The following TEX26 variants were observed in gnomAD, a reference collection of about 807,000 sequenced individuals.
TEX26 encodes testis expressed 26, also known as testis-expressed protein 26.
Under a neutral mutation model 35.3 loss-of-function variants are expected in TEX26, and 34 were observed. The observed-to-expected ratio is 0.96, with a 90% confidence interval of 0.73 to 1.28. The LOEUF (loss-of-function observed/expected upper bound fraction) is 1.28, where lower values mean the gene tolerates loss of function less well. Ranked by LOEUF, TEX26 falls within the 50% of genes most tolerant of loss-of-function variation. TEX26 has a pLI of 0.00. For missense variants in TEX26, 371 were observed against 330.1 expected (o/e 1.12, Z -0.96); for synonymous variants, 136 against 111.8 (o/e 1.22, Z -1.36).
chr13:30,971,590 A>G (rs572105719), intron 6 of TEX26, among the ~76,000 whole-genome samples: 7 of 152,356 alleles, frequency 4.6e-5, no homozygotes, highest in African/African-American at 1.7e-4. Context: ...TAACGCTGTG[A>G]AAGCATAAAG....
chr13:30,940,845 C>T (rs1009058449), intron 2 of TEX26, among the ~76,000 whole-genome samples: 3 of 151,848 alleles, frequency 2.0e-5, no homozygotes, highest in African/African-American at 7.3e-5. Context: ...GGCAGAGGCA[C>T]GAGAATTGCT....
chr13:30,953,116 C>G (rs1010095472), intron 3 of TEX26, among the ~76,000 whole-genome samples: 1 of 152,152 alleles, frequency 6.6e-6, no homozygotes, highest in African/African-American at 2.4e-5. Flanking sequence ...TACATACATG[C>G]TGTTGGACAG....
chr13:30,963,366 A>G (rs1467348028), intron 4 of TEX26, among the ~76,000 whole-genome samples: 3 of 152,188 alleles, frequency 2.0e-5, no homozygotes, highest in Non-Finnish European at 2.9e-5. Flanking sequence ...TCCATACTTT[A>G]GCACAAATAC....
chr13:30,969,153 G>T, intron 6 of TEX26, 107 bp downstream of exon 6: 26 of 866,254 alleles, frequency 3.0e-5, no homozygotes, highest in Non-Finnish European at 3.7e-5. Flanking sequence ...CCACAAAAAT[G>T]AAAACATTGC....
chr13:30,952,549 T>C (rs1429061018), intron 2 of TEX26, 111 bp from the exon 3 acceptor site: 2 of 897,550 alleles, frequency 2.2e-6, no homozygotes, highest in Non-Finnish European at 3.2e-6. Flanking sequence ...CCAACTCTTA[T>C]GCCAATCAAT....
chr13:30,940,394 T>C (rs548969140), intron 2 of TEX26, among the ~76,000 whole-genome samples: 310 of 133,296 alleles, frequency 2.3e-3, no homozygotes, highest in Non-Finnish European at 3.5e-3. Context: ...AGTGCAGTGG[T>C]ACGATCTCGG....
rs1302798927 is a variant in TEX26, at chr13:30,952,789, A to T, written c.276A>T (p.Ser92=). 1.2e-6 allele frequency: 2 copies of T among 1,612,972 alleles called. No homozygotes were observed. The highest frequency in any genetic ancestry group is 1.7e-6 in the Non-Finnish European group (2 of 1,179,546). The change falls in exon 3 of 7, where the codon TCA becomes TCT. Residue 92 remains serine, a synonymous_variant. Coordinates refer to ENST00000380473, the MANE Select transcript of TEX26 (RefSeq NM_152325.3). Reference sequence around the variant, plus strand: ...AAGATTTGATCAAAACTGAGACTTCAAGAGGAATCAAGAGCCACAAATCTC... The same window carrying T: ...AAGATTTGATCAAAACTGAGACTTCTAGAGGAATCAAGAGCCACAAATCTC... The part of the protein sequence containing the change: ...SKEDLIKTET[S]RGIKSHKSHL...
At chr13:30,938,287 G>A (rs1177705414) in intron 1 of TEX26, among the ~76,000 whole-genome samples, 1 of 152,162 alleles carries the variant, frequency 6.6e-6, no homozygotes, top group East Asian at 1.9e-4. Context: ...AATAAACAGT[G>A]TTGTTGCTGG....
At chr13:30,940,396 C>CGT (rs1953443552) in intron 2 of TEX26, among the ~76,000 whole-genome samples, 2 of 124,866 alleles carry the variant, frequency 1.6e-5, no homozygotes, top group Non-Finnish European at 3.2e-5. Flanking sequence ...TGCAGTGGTA[C>CGT]GATCTCGGCT....
chr13:30,952,467 T>C (rs1044570444), intron 2 of TEX26, among the ~76,000 whole-genome samples, 193 bp from the exon 3 acceptor site: 3 of 152,208 alleles, frequency 2.0e-5, no homozygotes, highest in African/African-American at 7.2e-5. Context: ...ATCTGTACTT[T>C]TGTTAAAAGC....
intron 6 of TEX26, among the ~76,000 whole-genome samples, chr13:30,972,579 T>C (rs529978919): frequency 2.0e-5 from 3 of 152,266 alleles, no homozygotes; most frequent in African/African-American, 4.8e-5. Context: ...CCACAGAGCA[T>C]TGGTGGGAAT....
At chr13:30,944,659 T>G (rs1470176300) in intron 2 of TEX26, among the ~76,000 whole-genome samples, 1 of 152,016 alleles carries the variant, frequency 6.6e-6, no homozygotes, top group Non-Finnish European at 1.5e-5. Context: ...ATCATTTATT[T>G]TAAAGGGCTT....
At chr13:30,974,741 A>G (rs1954827164) in intron 6 of TEX26, 105 bp from the exon 7 acceptor site, 1 of 1,168,036 alleles carries the variant, frequency 8.6e-7, no homozygotes, top group East Asian at 2.8e-5. Context: ...AAATTTGTGT[A>G]TTTAGTAATA....
In TEX26 at chr13:30,968,996, C is replaced by T. The variant is rs748234787; in HGVS notation, c.758C>T (p.Ser253Leu). ...TYPDFLMLLN[S>L]FTSSQVKEYL... ...CCAGATTTCTTAATGCTTTTAAACTCATTTACTTCCTCTCAAGTCAAAGAG... is the reference window on the plus strand; with the variant it reads ...CCAGATTTCTTAATGCTTTTAAACTTATTTACTTCCTCTCAAGTCAAAGAG... Residue 253 changes from serine to leucine, a missense_variant, in exon 6 of 7, where the codon TCA becomes TTA. Coordinates refer to ENST00000380473, the MANE Select transcript of TEX26 (RefSeq NM_152325.3). The T allele has an allele frequency of 1.2e-5, 19 of 1,613,968 alleles. No individual in the cohort carries two copies. In the South Asian group the frequency reaches 1.3e-4, roughly 11 times the overall value.
chr13:30,951,094 G>C (rs773427855), intron 2 of TEX26, among the ~76,000 whole-genome samples: 1 of 152,140 alleles, frequency 6.6e-6, no homozygotes, highest in African/African-American at 2.4e-5. Context: ...TGCGCCTGTG[G>C]TCCCAGCTAC....
At chr13:30,952,571 A>C (rs1238334404) in intron 2 of TEX26, 89 bp from the exon 3 acceptor site, 1 of 1,114,208 alleles carries the variant, frequency 9.0e-7, no homozygotes, top group Non-Finnish European at 1.2e-6. Flanking sequence ...TTTTTAAAAA[A>C]TGTAATGAGT....
intron 6 of TEX26, chr13:30,973,579 A>C (rs1370937370): frequency 6.6e-6 from 1 of 152,222 alleles, no homozygotes; most frequent in African/African-American, 2.4e-5. Flanking sequence ...GATGCTTCAA[A>C]ATTAAACATG....
In TEX26 at chr13:30,966,217, C is replaced by G. The variant is rs753857773; in HGVS notation, c.470-5C>G. 1.9e-6 allele frequency: 3 copies of G among 1,613,832 alleles called. No individual in the cohort carries two copies. The highest frequency in any genetic ancestry group is 2.5e-6 in the Non-Finnish European group (3 of 1,179,946). On this transcript the variant is annotated splice_polypyrimidine_tract_variant and splice_region_variant and intron_variant, in intron 4 of 6. Coordinates refer to ENST00000380473, the MANE Select transcript of TEX26 (RefSeq NM_152325.3). ...GTATTGCCTTCCATTTCCATTCCAC[C>G]CCAGCTCAGAAGATTAAGAAAAGTT...
At chr13:30,958,975 G>T (rs925392013) in intron 4 of TEX26, among the ~76,000 whole-genome samples, 2 of 152,134 alleles carry the variant, frequency 1.3e-5, no homozygotes, top group Non-Finnish European at 2.9e-5. Context: ...CAATCAAAGA[G>T]GGGGATCTAA....
Sources: gnomAD v4.1 joint callset for allele counts (sites outside exome capture counted in the v4.1 genomes callset) on GRCh38, gnomAD v4.1.1 for gene constraint, MANE v1.5 for transcripts, NCBI Gene and HGNC (gene_info 2026-07-23, HGNC 2026-07-21) for gene names.